Variants in SDK1 observed in about 807,000 individuals in gnomAD.
SDK1 encodes protein sidekick-1.
A neutral mutation model predicts 245.5 loss-of-function variants in SDK1; 157 were observed. The ratio of observed to expected loss-of-function variants is 0.64; its 90% CI spans 0.56 to 0.73. The LOEUF (loss-of-function observed/expected upper bound fraction) is 0.73, where lower values mean the gene tolerates loss of function less well. SDK1 is among the 30% of genes least tolerant of loss of function. The pLI, the probability that SDK1 is intolerant of heterozygous loss-of-function variation, is 0.00. For synonymous variants in SDK1, 1,647 were observed against 1,278.5 expected (o/e 1.29, Z -6.15); for missense variants, 3,583 against 3,002.3 (o/e 1.19, Z -4.52).
intron 40 of SDK1, among the ~76,000 whole-genome samples, chr7:4,225,667 C>G (rs1369831704): frequency 2.6e-5 from 4 of 152,128 alleles, no homozygotes; most frequent in South Asian, 4.1e-4. Context: ...ATTGGCGTGT[C>G]GGCGAGGGCT....
chr7:4,227,876 C>G (rs370489352), intron 40 of SDK1, among the ~76,000 whole-genome samples: 1 of 152,190 alleles, frequency 6.6e-6, no homozygotes, highest in African/African-American at 2.4e-5. Flanking sequence ...TGCCTCCTAC[C>G]GCTTGGGCGG....
intron 2 of SDK1, among the ~76,000 whole-genome samples, chr7:3,632,567 A>T (rs1249320838): frequency 6.6e-6 from 1 of 152,176 alleles, no homozygotes; most frequent in Non-Finnish European, 1.5e-5. Context: ...CCTCCCACAC[A>T]GGGACCTGTT....
At chr7:4,103,305 C>T (rs1782694939) in intron 22 of SDK1, among the ~76,000 whole-genome samples, 1 of 152,156 alleles carries the variant, frequency 6.6e-6, no homozygotes, top group African/African-American at 2.4e-5. Flanking sequence ...CGGCCCCCCA[C>T]AGAGCTTTGA....
intron 1 of SDK1, among the ~76,000 whole-genome samples, chr7:3,598,309 A>G (rs1781134554): frequency 6.6e-6 from 1 of 152,244 alleles, no homozygotes; most frequent in Non-Finnish European, 1.5e-5. Context: ...AATTCTTGCA[A>G]GATATGCATT....
rs554632699 is a variant in SDK1, at chr7:3,962,384, A to G, written c.1235-273A>G. Among the ~76,000 whole-genome samples, 3 of 152,262 alleles carry G rather than the reference A, an allele frequency of 2.0e-5. No homozygotes were observed. In the East Asian group the frequency reaches 5.8e-4, roughly 29 times the overall value. On this transcript the variant is annotated intron_variant, in intron 8 of 44. Coordinates refer to ENST00000404826, the MANE Select transcript of SDK1 (RefSeq NM_152744.4). ...CTCAGCTGGAATCTCCTTTCCAAAC[A>G]AGAGCATGAGCCTGTGTGGGTTCGG...
At chr7:4,191,511 C>T (rs542582395) in intron 35 of SDK1, among the ~76,000 whole-genome samples, 297 of 152,366 alleles carry the variant, frequency 1.9e-3, no homozygotes, top group African/African-American at 5.2e-3. Context: ...CAGGTCGCCA[C>T]GCTGGCAGCC....
At chr7:3,462,470 C>T (rs1363239536) in intron 1 of SDK1, among the ~76,000 whole-genome samples, 1 of 152,274 alleles carries the variant, frequency 6.6e-6, no homozygotes, top group East Asian at 1.9e-4. Context: ...CATTCATGTA[C>T]ATAGTTTGAA....
chr7:3,427,571 G>A (rs66492969), intron 1 of SDK1, among the ~76,000 whole-genome samples: 24,914 of 151,006 alleles, frequency 0.16, 3,367 homozygotes, highest in African/African-American at 0.37. Context: ...AAACTTATCA[G>A]GAGTAGTTTG....
intron 1 of SDK1, among the ~76,000 whole-genome samples, chr7:3,481,072 A>G (rs185599007): frequency 7.9e-5 from 12 of 152,352 alleles, no homozygotes; most frequent in East Asian, 1.9e-4. Flanking sequence ...TATACTTACT[A>G]TGATTACTAA....
At chr7:3,391,987 A>G (rs1781769886) in intron 1 of SDK1, among the ~76,000 whole-genome samples, 2 of 144,434 alleles carry the variant, frequency 1.4e-5, no homozygotes, top group South Asian at 2.2e-4. Context: ...ATATATATAT[A>G]TGCATGCTAC....
intron 4 of SDK1, among the ~76,000 whole-genome samples, chr7:3,647,675 C>T (rs182758625): frequency 2.7e-4 from 41 of 152,210 alleles, no homozygotes; most frequent in African/African-American, 9.4e-4. Context: ...GGCAATCCAC[C>T]CGCCTCTGCC....
chr7:3,347,457 T>C (rs1292296291), intron 1 of SDK1, among the ~76,000 whole-genome samples: 1 of 152,154 alleles, frequency 6.6e-6, no homozygotes, highest in African/African-American at 2.4e-5. Flanking sequence ...AAAATAACTT[T>C]TCACCTATTC....
At chr7:4,159,387 C>T (rs1044610256) in intron 31 of SDK1, among the ~76,000 whole-genome samples, 11 of 152,330 alleles carry the variant, frequency 7.2e-5, no homozygotes, top group African/African-American at 2.2e-4. Context: ...TTCCCGGCTT[C>T]TCAGCAACTC....
chr7:3,541,038 C>T (rs945517256), intron 1 of SDK1, among the ~76,000 whole-genome samples: 2 of 152,158 alleles, frequency 1.3e-5, no homozygotes, highest in Non-Finnish European at 2.9e-5. Flanking sequence ...TACCAAAGAA[C>T]AGATTTCCAA....
intron 1 of SDK1, among the ~76,000 whole-genome samples, chr7:3,415,130 G>A (rs944369741): frequency 3.9e-5 from 6 of 152,050 alleles, no homozygotes; most frequent in African/African-American, 1.2e-4. Flanking sequence ...TTTATCTTTT[G>A]AGGTTGTATC....
chr7:3,883,175 C>G (rs535729263), intron 5 of SDK1, among the ~76,000 whole-genome samples: 1 of 152,146 alleles, frequency 6.6e-6, no homozygotes, highest in Non-Finnish European at 1.5e-5. Context: ...GGCCAGTGGG[C>G]AGGACCCCAC....
intron 4 of SDK1, among the ~76,000 whole-genome samples, chr7:3,657,583 A>G (rs184852883): frequency 6.9e-6 from 1 of 143,958 alleles, no homozygotes; most frequent in Non-Finnish European, 1.5e-5. Context: ...AGCCTGACTT[A>G]ATGTTTAGGG....
At chr7:3,463,153 A>T (rs1327433435) in intron 1 of SDK1, among the ~76,000 whole-genome samples, 1 of 152,146 alleles carries the variant, frequency 6.6e-6, no homozygotes, top group Non-Finnish European at 1.5e-5. Flanking sequence ...CCCTGACTCC[A>T]TGGAGATGGG....
intron 14 of SDK1, among the ~76,000 whole-genome samples, chr7:3,997,994 G>C (rs1335838023): frequency 6.6e-6 from 1 of 152,228 alleles, no homozygotes; most frequent in Admixed American, 6.5e-5. Context: ...AAGAGTGCAA[G>C]AATGCCTGAG....
Sources: allele counts gnomAD v4.1 joint callset (sites outside exome capture counted in the v4.1 genomes callset), GRCh38; gene constraint gnomAD v4.1.1; transcripts MANE v1.5; gene names NCBI Gene and HGNC (gene_info 2026-07-23, HGNC 2026-07-21).